Variants in DUOX1 observed in about 807,000 individuals in gnomAD.
DUOX1 encodes dual oxidase 1.
Under a neutral mutation model 181.8 loss-of-function variants are expected in DUOX1, and 134 were observed. The ratio of observed to expected loss-of-function variants is 0.74; its 90% confidence interval spans 0.64 to 0.85. DUOX1 has a LOEUF of 0.85. DUOX1 is among the 40% of genes least tolerant of loss of function. The probability of loss-of-function intolerance (pLI) is 0.00; values close to 1 mark genes in which losing one functional copy is unlikely to be tolerated. For synonymous variants in DUOX1, 798 were observed against 832.5 expected (o/e 0.96, Z 0.71); for missense variants, 1,814 against 2,064.4 (o/e 0.88, Z 2.35).
chr15:45,152,863 A>C (rs1000090683), intron 25 of DUOX1: 13 of 415,304 alleles, frequency 3.1e-5, no homozygotes, highest in Admixed American at 3.1e-4. Flanking sequence ...TTTCAGACTC[A>C]CATGGTTGCG....
In DUOX1 at chr15:45,151,149, G is replaced by C; in HGVS notation, c.2915G>C (p.Cys972Ser). 5.6e-6 allele frequency: 9 copies of C among 1,614,202 alleles called. No individual in the cohort carries two copies. Among genetic ancestry groups the C allele is most frequent in the Non-Finnish European group, 7.6e-6 (9 of 1,180,042 alleles). ...CCCTCTCCCAGAGTGAGTGCCCGCTGTTCCCGCAGCGACATTGAGACTGAG... is the reference window on the plus strand; with the variant it reads ...CCCTCTCCCAGAGTGAGTGCCCGCTCTTCCCGCAGCGACATTGAGACTGAG... ...ICPSPRVSAR[C>S]SRSDIETELT... Residue 972 changes from cysteine to serine, a missense_variant, in exon 23 of 34, where the codon TGT becomes TCT. By Grantham distance (112) the Cys-to-Ser change is moderately radical. Transcript: ENST00000389037.
At chr15:45,137,234 C>T (rs1896345416) in intron 9 of DUOX1, among the ~76,000 whole-genome samples, 1 of 148,522 alleles carries the variant, frequency 6.7e-6, no homozygotes, top group African/African-American at 2.5e-5. Flanking sequence ...GTGGTGCATG[C>T]CTGTAATCCC....
At chr15:45,146,491 G>A (rs1211678223) in intron 18 of DUOX1, among the ~76,000 whole-genome samples, 2 of 152,156 alleles carry the variant, frequency 1.3e-5, no homozygotes, top group African/African-American at 2.4e-5. Flanking sequence ...TCCTGGGGGT[G>A]GCTGTCAGTG....
chr15:45,155,976 C>A, intron 28 of DUOX1, 47 bp downstream of exon 28: 1 of 1,608,796 alleles, frequency 6.2e-7, no homozygotes, highest in Non-Finnish European at 8.5e-7. Flanking sequence ...ATGGGCAGGA[C>A]ATTTCCAGGG....
At position 45,139,469 on chromosome 15, in the gene DUOX1, T is replaced by C. The variant is rs1419352943; in HGVS notation, c.1259T>C (p.Leu420Pro). ...GPLKFSRTDH[L>P]ASCLQRGRDL... Reference sequence around the variant, plus strand: ...CTGAAGTTTTCCCGCACAGACCACCTGGCCAGCTGCCTGCAGCGGGGCCGG... The same window carrying C: ...CTGAAGTTTTCCCGCACAGACCACCCGGCCAGCTGCCTGCAGCGGGGCCGG... The change falls in exon 12 of 34, where the codon CTG becomes CCG. Residue 420 changes from leucine (L) to proline (P), a missense_variant. Physicochemically the swap from Leu to Pro is moderately conservative, Grantham distance 98. Coordinates refer to ENST00000389037, the MANE Select transcript of DUOX1 (RefSeq NM_175940.3). The C allele has an allele frequency of 1.2e-6, 2 of 1,613,226 alleles. No individual in the cohort carries two copies. Among genetic ancestry groups the C allele is most frequent in the South Asian group, 1.1e-5 (1 of 90,910 alleles).
At chr15:45,140,790 G>A (rs1206755458) in intron 12 of DUOX1, 105 bp from the exon 13 acceptor site, 1 of 1,167,830 alleles carries the variant, frequency 8.6e-7, no homozygotes, top group African/African-American at 1.5e-5. Flanking sequence ...TACTGTTACT[G>A]TCATTTATTA....
Position 45,149,125 on chromosome 15 carries a change from T to G in DUOX1, c.2818+678T>G, listed in dbSNP as rs146489596. Among the ~76,000 whole-genome samples, 186 of 152,226 alleles carry G rather than the reference T, an allele frequency of 1.2e-3. 1 individual carries two copies. The highest frequency in any genetic ancestry group is 4.1e-3 in the African/African-American group (170 of 41,528). On this transcript the variant is annotated intron_variant, in intron 21 of 33. Coordinates refer to ENST00000389037, the MANE Select transcript of DUOX1 (RefSeq NM_175940.3). ...TGTGGCCTGCTCTGAGCTGTTATGG[T>G]ATCTTTGCATCTTAGGACTCTCACT...
Position 45,161,845 on chromosome 15 carries a change from A to C in DUOX1, c.3964A>C (p.Thr1322Pro). Residue 1322 changes from threonine (T) to proline (P), a missense_variant, in exon 30 of 34, where the codon ACA becomes CCA. Coordinates refer to ENST00000389037, the MANE Select transcript of DUOX1 (RefSeq NM_175940.3). The part of the protein sequence containing the change: ...ALGTTEYHPF[T>P]LTSAPHEDTL... ...GGGGACCACCGAGTACCACCCCTTC[A>C]CACTGACCTCTGCGCCCCATGAGGA... 1 of 1,613,776 alleles carries C rather than the reference A, an allele frequency of 6.2e-7. No individual in the cohort carries two copies. Among genetic ancestry groups the C allele is most frequent in the Non-Finnish European group, 8.5e-7 (1 of 1,179,912 alleles).
In DUOX1 at chr15:45,135,659, G is replaced by C. The variant is rs760331601; in HGVS notation, c.681G>C (p.Gly227=). ...AAPDPATGQN[G]PRGLYAFGAE... ...CCGACCCCGCCACCGGGCAGAACGG[G>C]CCCCGGGGGCTGTACGGTGAGGCCA... The change falls in exon 6 of 34, where the codon GGG becomes GGC. Residue 227 remains glycine, a synonymous_variant. Transcript: ENST00000389037. 7.3e-6 allele frequency: 11 copies of C among 1,502,780 alleles called. No individual in the cohort carries two copies. Among genetic ancestry groups the C allele is most frequent in the Non-Finnish European group, 8.9e-6 (10 of 1,125,500 alleles). 93.1% of individuals were successfully genotyped at this position (1,502,780 alleles called of 1,614,324 possible).
At position 45,130,097 on chromosome 15, in the gene DUOX1, A is replaced by C. The variant is rs1031384820; in HGVS notation, c.-51A>C. 2.0e-5 allele frequency: 3 copies of C among 152,200 alleles called. No homozygotes were observed. The highest frequency in any genetic ancestry group is 4.4e-5 in the Non-Finnish European group (3 of 68,054). 9.4% of individuals were successfully genotyped at this position (152,200 alleles called of 1,614,324 possible). A position where few individuals can be genotyped will look rare whatever the true frequency, so the allele number is the denominator to read the frequency against. ...CGGGCTCTGGTGACGCCGTGGCCGC[A>C]GGTCAGATTTGGGAGGGCTTTTCCC... On this transcript the variant is annotated splice_region_variant and 5_prime_UTR_variant, in exon 1 of 34. Transcript: ENST00000389037.
chr15:45,162,416 T>A, intron 31 of DUOX1, 39 bp downstream of exon 31: 5 of 1,596,864 alleles, frequency 3.1e-6, no homozygotes, highest in Non-Finnish European at 4.3e-6. Flanking sequence ...CCATGGCCCC[T>A]TCTTCCTTGT....
At chr15:45,162,507 C>T (rs1897135272) in intron 31 of DUOX1, 130 bp downstream of exon 31, 3 of 1,276,884 alleles carry the variant, frequency 2.3e-6, no homozygotes, top group Non-Finnish European at 3.2e-6. Flanking sequence ...GGTTTGAAAC[C>T]TGGGGTTGGG....
intron 28 of DUOX1, among the ~76,000 whole-genome samples, chr15:45,156,666 C>G (rs7173906): frequency 6.6e-6 from 1 of 152,104 alleles, no homozygotes; most frequent in East Asian, 1.9e-4. Context: ...TTCCTGACCT[C>G]GTGATCCACC....
chr15:45,133,898 A>G lies in DUOX1; in HGVS notation c.93A>G (p.Arg31=). Residue 31 remains arginine (R), a synonymous_variant, in exon 3 of 34, where the codon CGA becomes CGG. Transcript: ENST00000389037. ...AQNPISWEVQ[R]FDGWYNNLME... ...ACCCCATTTCGTGGGAGGTGCAGCG[A>G]TTTGATGGGTGGTACAACAACCTCA... 6.2e-7 allele frequency: 1 copy of G among 1,613,918 alleles called. No individual in the cohort carries two copies. Among genetic ancestry groups the G allele is most frequent in the Non-Finnish European group, 8.5e-7 (1 of 1,179,918 alleles).
At chr15:45,163,342 C>T (rs1897151550) in intron 31 of DUOX1, among the ~76,000 whole-genome samples, 190 bp from the exon 32 acceptor site, 1 of 152,232 alleles carries the variant, frequency 6.6e-6, no homozygotes, top group Non-Finnish European at 1.5e-5. Flanking sequence ...TTCCACCTCT[C>T]TATGCCCTGG....
Position 45,135,512 on chromosome 15 carries a change from C to G in DUOX1, c.534C>G (p.Ile178Met). ...CGGGCTGGCTGGACGGCAGCGCCAT[C>G]TATGGTTCCTCGCATTCCTGGAGCG... ...QVTGWLDGSAIYGSSHSWSDA... is the reference protein window; with the variant it reads ...QVTGWLDGSAMYGSSHSWSDA... Residue 178 changes from isoleucine to methionine, a missense_variant, in exon 6 of 34, where the codon ATC (isoleucine) becomes ATG (methionine). Transcript: ENST00000389037. The G allele has an allele frequency of 1.9e-6, 3 of 1,559,366 alleles. No homozygotes were observed. The highest frequency in any genetic ancestry group is 2.6e-6 in the Non-Finnish European group (3 of 1,153,244).
In DUOX1 at chr15:45,163,849, C is replaced by T; in HGVS notation, c.4464C>T (p.Arg1488=). 6.2e-7 allele frequency: 1 copy of T among 1,614,174 alleles called. No homozygotes were observed. Among genetic ancestry groups the T allele is most frequent in the East Asian group, 2.2e-5 (1 of 44,870 alleles). The change falls in exon 33 of 34, where the codon CGC becomes CGT. Residue 1488 remains arginine, a synonymous_variant. Coordinates refer to ENST00000389037, the MANE Select transcript of DUOX1 (RefSeq NM_175940.3). ...ACCGGAGTCTATTCACAGGCCTGCGCTCCATCACCCACTTTGGCCGTCCCC... is the reference window on the plus strand; with the variant it reads ...ACCGGAGTCTATTCACAGGCCTGCGTTCCATCACCCACTTTGGCCGTCCCC... ...VLNRSLFTGL[R]SITHFGRPPF... is the part of the protein sequence containing the mutation.
chr15:45,148,981 A>G (rs1896736909), intron 21 of DUOX1, among the ~76,000 whole-genome samples: 1 of 152,056 alleles, frequency 6.6e-6, no homozygotes, highest in Admixed American at 6.5e-5. Flanking sequence ...TGCTGAATAC[A>G]TGAAGACCCA....
intron 18 of DUOX1, among the ~76,000 whole-genome samples, chr15:45,146,584 C>A (rs1428911258): frequency 6.6e-6 from 1 of 152,204 alleles, no homozygotes; most frequent in Non-Finnish European, 1.5e-5. Context: ...ATAAGTAGGG[C>A]AGATGAGGAA....
Sources: allele counts gnomAD v4.1 joint callset (sites outside exome capture counted in the v4.1 genomes callset), GRCh38; gene constraint gnomAD v4.1.1; transcripts MANE v1.5; gene names NCBI Gene and HGNC (gene_info 2026-07-23, HGNC 2026-07-21).